Variants in ILF2 observed in about 807,000 individuals in gnomAD.
ILF2 encodes the protein interleukin enhancer-binding factor 2.
In ILF2, 9 loss-of-function variants were observed where a neutral mutation model predicts 55.3. The observed-to-expected ratio is 0.16, with a 90% confidence interval of 0.10 to 0.28. The LOEUF (loss-of-function observed/expected upper bound fraction) is 0.28, where lower values mean the gene tolerates loss of function less well. ILF2 is among the 10% of genes least tolerant of loss of function. The pLI is 1.00. For synonymous variants in ILF2, 151 were observed against 161.8 expected (o/e 0.93, Z 0.50); for missense variants, 266 against 474.9 (o/e 0.56, Z 4.09).
At position 153,662,220 on chromosome 1, in the gene ILF2, G is replaced by T; in HGVS notation, c.*176C>A. On this transcript the variant is annotated 3_prime_UTR_variant, in exon 14 of 14. Coordinates refer to ENST00000361891, the MANE Select transcript of ILF2 (RefSeq NM_004515.4). ...GATGGATGGCATAGGTCACAAATGGGAGACTGGCAGCTAAGCCAATATCAA... is the reference window on the plus strand; with the variant it reads ...GATGGATGGCATAGGTCACAAATGGTAGACTGGCAGCTAAGCCAATATCAA... The T allele has an allele frequency of 1.4e-6, 1 of 707,404 alleles. No individual in the cohort carries two copies. The highest frequency in any genetic ancestry group is 2.4e-6 in the Non-Finnish European group (1 of 424,288). 43.8% of individuals were successfully genotyped at this position (707,404 alleles called of 1,614,324 possible).
chr1:153,667,705 G>A, intron 5 of ILF2, 48 bp from the exon 6 acceptor site: 2 of 1,322,588 alleles, frequency 1.5e-6, no homozygotes, highest in Non-Finnish European at 2.2e-6. Context: ...AGAAAAAAAG[G>A]TGCCTAGGTC....
At chr1:153,668,366 C>A (rs1557953530) in intron 4 of ILF2, 87 bp downstream of exon 4, 1 of 1,501,670 alleles carries the variant, frequency 6.7e-7, no homozygotes, top group East Asian at 2.3e-5. Flanking sequence ...TCTGTTAACA[C>A]CATTCTTAAC....
rs1332681394 is a variant in ILF2 at position 153,669,869 on chromosome 1, G to A, written c.75C>T (p.Pro25=). 2 of 1,612,902 alleles carry A rather than the reference G, an allele frequency of 1.2e-6. No homozygotes were observed. The highest frequency in any genetic ancestry group is 1.3e-5 in the African/African-American group (1 of 74,880). ...SRGGPGGGFR[P]FVPHIPFDFY... Reference sequence around the variant, plus strand: ...AGTCAAATGGGATATGTGGTACAAAGGGCCTGAACCTAAAACATGAAAAAC... The same window carrying A: ...AGTCAAATGGGATATGTGGTACAAAAGGCCTGAACCTAAAACATGAAAAAC... The change falls in exon 3 of 14, where the codon CCC becomes CCT. Residue 25 remains proline, a synonymous_variant. Coordinates refer to ENST00000361891, the MANE Select transcript of ILF2 (RefSeq NM_004515.4).
At chr1:153,667,718 C>A in intron 5 of ILF2, 61 bp from the exon 6 acceptor site, 1 of 1,154,262 alleles carries the variant, frequency 8.7e-7, no homozygotes, top group Non-Finnish European at 1.3e-6. Flanking sequence ...CCTAGGTCCT[C>A]CCAGAACTGT....
intron 2 of ILF2, 50 bp from the exon 3 acceptor site, chr1:153,669,928 G>T (rs754200168): frequency 3.4e-6 from 5 of 1,475,860 alleles, no homozygotes; most frequent in Non-Finnish European, 4.7e-6. Flanking sequence ...AATCAAGCGA[G>T]ATGTAAATAA....
At chr1:153,668,339 C>T (rs754214341) in intron 4 of ILF2, 114 bp downstream of exon 4, 45 of 1,316,106 alleles carry the variant, frequency 3.4e-5, no homozygotes, top group Non-Finnish European at 4.0e-5. Flanking sequence ...CAATTAAACC[C>T]TTTGTGGATT....
At chr1:153,666,262 C>A (rs988745969) in intron 6 of ILF2, among the ~76,000 whole-genome samples, 2 of 152,186 alleles carry the variant, frequency 1.3e-5, no homozygotes, top group African/African-American at 4.8e-5. Flanking sequence ...CTGCTAACTC[C>A]AACCTCTGCC....
chr1:153,670,843 C>T (rs1669451716), intron 1 of ILF2, 75 bp downstream of exon 1: 5 of 1,578,954 alleles, frequency 3.2e-6, no homozygotes, highest in Admixed American at 1.7e-5. Context: ...TCTGATACTC[C>T]GACTTCTTTC....
At position 153,670,887 on chromosome 1, in the gene ILF2, T is replaced by A. The variant is rs755165494; in HGVS notation, c.5+31A>T. 6.8e-6 allele frequency: 11 copies of A among 1,613,860 alleles called. 1 individual carries two copies. In the South Asian group the frequency reaches 1.2e-4, roughly 18 times the overall value. ...TTCACAAAGTTTTCCGTCGAATACC[T>A]GAAACCTTTCGACCGCTTCGACCCA... On this transcript the variant is annotated intron_variant, in intron 1 of 13. Transcript: ENST00000361891.
chr1:153,668,688 T>G, intron 3 of ILF2, 131 bp from the exon 4 acceptor site: 1 of 1,117,464 alleles, frequency 8.9e-7, no homozygotes, highest in South Asian at 1.7e-5. Flanking sequence ...GCTTAATTTG[T>G]TCAATTAGCT....
rs745943427 is a variant in ILF2 at position 153,668,536 on chromosome 1, C to G, written c.130G>C (p.Val44Leu). 6.2e-7 allele frequency: 1 copy of G among 1,613,858 alleles called. No individual in the cohort carries two copies. Among genetic ancestry groups the G allele is most frequent in the East Asian group, 2.2e-5 (1 of 44,882 alleles). Residue 44 changes from valine (V) to leucine (L), a missense_variant, in exon 4 of 14, where the codon GTC becomes CTC. Val to Leu is a conservative substitution (Grantham distance 32). Transcript: ENST00000361891. ...FYLCEMAFPR[V>L]KPAPDETSFS... ...GAAGTTTCATCAGGTGCTGGCTTGA[C>G]CCGGGGAAAGGCCATTTCACACTAA... is the stretch of plus-strand genomic sequence containing the variant.
intron 1 of ILF2, among the ~76,000 whole-genome samples, chr1:153,670,551 C>T (rs1351230251): frequency 6.6e-6 from 1 of 152,160 alleles, no homozygotes; most frequent in Non-Finnish European, 1.5e-5. Context: ...TCGGGCGTGT[C>T]CTAATGTCAA....
At chr1:153,669,516 T>A (rs1265723736) in intron 3 of ILF2, among the ~76,000 whole-genome samples, 3 of 151,948 alleles carry the variant, frequency 2.0e-5, no homozygotes, top group African/African-American at 7.2e-5. Context: ...AGTGGTGCCA[T>A]CTTGGTTCAC....
intron 3 of ILF2, among the ~76,000 whole-genome samples, chr1:153,669,172 A>G (rs1669384971): frequency 6.6e-6 from 1 of 151,764 alleles, no homozygotes; most frequent in African/African-American, 2.4e-5. Context: ...TCCCAGGTTC[A>G]GTGCAGTGAG....
chr1:153,662,910 C>T, intron 12 of ILF2, 109 bp downstream of exon 12: 1 of 1,317,474 alleles, frequency 7.6e-7, no homozygotes, highest in South Asian at 1.2e-5. Flanking sequence ...CAAAGTCTTT[C>T]AGAATCCCCA....
At chr1:153,663,854 G>A (rs1012119150) in intron 10 of ILF2, among the ~76,000 whole-genome samples, 189 bp downstream of exon 10, 2 of 147,696 alleles carry the variant, frequency 1.4e-5, no homozygotes, top group African/African-American at 5.0e-5. Context: ...TTAAACAAAT[G>A]TCTCTGAGTC....
intron 6 of ILF2, chr1:153,667,178 G>T: frequency 3.3e-6 from 1 of 306,012 alleles, no homozygotes; most frequent in Non-Finnish European, 6.0e-6. Flanking sequence ...AGAAATTTGA[G>T]CTTTCAAGAT....
At position 153,662,391 on chromosome 1, in the gene ILF2, G is replaced by T. The variant is rs376347950; in HGVS notation, c.*5C>A. 6.2e-7 allele frequency: 1 copy of T among 1,613,880 alleles called. No homozygotes were observed. The highest frequency in any genetic ancestry group is 8.5e-7 in the Non-Finnish European group (1 of 1,179,864). ...CCTTGGGTAGGAAAAGGAGTGAAGG[G>T]AATGTCACTCCTGAGTTTCCATGCT... On this transcript the variant is annotated 3_prime_UTR_variant, in exon 14 of 14. Coordinates refer to ENST00000361891, the MANE Select transcript of ILF2 (RefSeq NM_004515.4).
chr1:153,668,506 T>C lies in ILF2; in HGVS notation c.160A>G (p.Ser54Gly). The change falls in exon 4 of 14, where the codon AGT becomes GGT. Residue 54 changes from serine to glycine, a missense_variant. Ser to Gly is a moderately conservative substitution (Grantham distance 56). Coordinates refer to ENST00000361891, the MANE Select transcript of ILF2 (RefSeq NM_004515.4). ...VKPAPDETSF[S>G]EALLKRNQDL... ...TGATTCCTCTTCAGCAAGGCCTCACTGAAGGAAGTTTCATCAGGTGCTGGC... is the reference window on the plus strand; with the variant it reads ...TGATTCCTCTTCAGCAAGGCCTCACCGAAGGAAGTTTCATCAGGTGCTGGC... The C allele has an allele frequency of 1.2e-6, 2 of 1,614,194 alleles. No homozygotes were observed. Among genetic ancestry groups the C allele is most frequent in the Non-Finnish European group, 8.5e-7 (1 of 1,180,028 alleles).
Sources: gnomAD v4.1 joint callset for allele counts (sites outside exome capture counted in the v4.1 genomes callset) on GRCh38, gnomAD v4.1.1 for gene constraint, MANE v1.5 for transcripts, NCBI Gene and HGNC (gene_info 2026-07-23, HGNC 2026-07-21) for gene names.